NBPF20: variants seen among roughly 807,000 people sequenced by gnomAD.
NBPF20 encodes the protein NBPF family member NBPF20.
In NBPF20, 90 loss-of-function variants were observed where a neutral mutation model predicts 68.1. The ratio of observed to expected loss-of-function variants is 1.32; its 90% CI spans 1.11 to 1.58. The LOEUF is 1.58. Among genes scored for constraint, NBPF20 ranks in the 40% most tolerant of loss-of-function variants. NBPF20 has a pLI of 0.00. For synonymous variants in NBPF20, 290 were observed against 228.1 expected (o/e 1.27, Z -2.45); for missense variants, 816 against 601.2 (o/e 1.36, Z -3.74).
intron 6 of NBPF20, 144 bp downstream of exon 11, chr1:145,400,245 A>T (rs1662454897): frequency 6.5e-7 from 1 of 1,542,000 alleles, no homozygotes; most frequent in Non-Finnish European, 8.9e-7. Context: ...ATTAGCTGAG[A>T]AGGACAAAAA....
chr1:145,405,804 G>C (rs1204271744), upstream of NBPF20: 15 of 280,548 alleles, frequency 5.3e-5, no homozygotes, highest in African/African-American at 2.3e-4. Context: ...TCTCTTGTCT[G>C]TACAACATCA....
intron 137 of NBPF20, among the ~76,000 whole-genome samples, 199 bp downstream of exon 142, chr1:145,292,182 C>T (rs1553658024): frequency 6.7e-6 from 1 of 149,766 alleles, no homozygotes; most frequent in Non-Finnish European, 1.5e-5. Context: ...GTATGGTCAA[C>T]CTATGGCACG....
chr1:145,423,883 C>A, the NBPF20 span, among the ~76,000 whole-genome samples: 1 of 151,738 alleles, frequency 6.6e-6, no homozygotes, highest in Non-Finnish European at 1.5e-5. Context: ...CCTCTAAAAC[C>A]AACAATGCCA....
At position 145,400,928 on chromosome 1, in the gene NBPF20, G is replaced by A. The variant is rs1174354269; in HGVS notation, c.566+131C>T. The A allele has an allele frequency of 3.3e-5, 38 of 1,139,222 alleles. No individual in the cohort carries two copies. The East Asian group carries it at 7.5e-4, about 22-fold the overall frequency. The allele number at this position is 1,139,222 out of a possible 1,614,324, so 70.6% of individuals were successfully genotyped here. On this transcript the variant is annotated intron_variant, in intron 5 of 137. Transcript: ENST00000369373. ...GCTGCCGCACCCTGTGTCTAAGCTGGGTTATATTTCACATACTGTGGCCAA... is the reference window on the plus strand; with the variant it reads ...GCTGCCGCACCCTGTGTCTAAGCTGAGTTATATTTCACATACTGTGGCCAA...
chr1:145,401,108 C>T (rs1443425687), exon 5 of NBPF20: 2 of 1,607,176 alleles, frequency 1.2e-6, no homozygotes, highest in African/African-American at 2.7e-5. Context: ...ACTTGAACAT[C>T]TTCATCGTCA....
exon 2 of NBPF20, chr1:145,405,123 G>A (rs202157187): frequency 8.1e-6 from 13 of 1,613,710 alleles, no homozygotes; most frequent in Non-Finnish European, 1.1e-5. Context: ...GGTTGGCCAG[G>A]AAGCCGGCCA....
Position 145,393,683 on chromosome 1 carries a change from C to G in NBPF20, c.1043+201G>C, listed in dbSNP as rs1241025451. 3 of 1,408,470 alleles carry G rather than the reference C, an allele frequency of 2.1e-6. No homozygotes were observed. In the African/African-American group the frequency reaches 4.3e-5, roughly 20 times the overall value. 87.2% of individuals were successfully genotyped at this position (1,408,470 alleles called of 1,614,324 possible). On this transcript the variant is annotated intron_variant, in intron 9 of 137. Coordinates refer to ENST00000369373, the Ensembl canonical transcript of NBPF20. The stretch of plus-strand genomic sequence containing the variant: ...GCTTTTGAGTTATGGTCAACTTTCA[C>G]TAGGTTAGTAAATGATAAGGGTAGG...
At chr1:145,407,410 CAT>C (rs1662840537), upstream of NBPF20, among the ~76,000 whole-genome samples, 1 of 144,376 alleles carries the variant, frequency 6.9e-6, no homozygotes. Context: ...ATATTATACA[CAT>C]ATATACATGT....
At chr1:145,292,851 A>G (rs1553658523) in intron 136 of NBPF20, among the ~76,000 whole-genome samples, 2 of 64,922 alleles carry the variant, frequency 3.1e-5, no homozygotes, top group East Asian at 9.8e-4. Context: ...CAGATTGTTC[A>G]TGGTTGTGAG....
intron 132 of NBPF20, chr1:145,296,042 A>T: frequency 1.2e-5 from 2 of 163,900 alleles, no homozygotes; most frequent in Non-Finnish European, 2.0e-5. Context: ...GATCTACAAA[A>T]TTGAGACAAA....
intron 9 of NBPF20, chr1:145,393,580 A>G: frequency 3.1e-6 from 2 of 647,060 alleles, no homozygotes; most frequent in South Asian, 3.9e-5. Flanking sequence ...CACTGTGAAC[A>G]GTGATCATGA....
At chr1:145,400,867 A>C (rs1352768224) in intron 5 of NBPF20, among the ~76,000 whole-genome samples, 192 bp downstream of exon 10, 1 of 151,882 alleles carries the variant, frequency 6.6e-6, no homozygotes, top group East Asian at 1.9e-4. Flanking sequence ...TGTACGGTGC[A>C]GACGTGACAC....
chr1:145,377,643 A>C (rs1420488866), intron 29 of NBPF20, among the ~76,000 whole-genome samples: 2 of 139,770 alleles, frequency 1.4e-5, no homozygotes, highest in East Asian at 2.2e-4. Flanking sequence ...AGAGGGAGGG[A>C]GAGAGAGAGA....
At chr1:145,402,770 A>G (rs1194087096) in intron 3 of NBPF20, among the ~76,000 whole-genome samples, 1 of 149,880 alleles carries the variant, frequency 6.7e-6, no homozygotes, top group Non-Finnish European at 1.5e-5. Flanking sequence ...GGCCAGGTGC[A>G]GATGGGGCGA....
chr1:145,410,787 C>T, the NBPF20 span, among the ~76,000 whole-genome samples: 14 of 114,988 alleles, frequency 1.2e-4, no homozygotes, highest in African/African-American at 4.1e-4. Flanking sequence ...TATACACACA[C>T]ATATATATAC....
upstream of NBPF20, among the ~76,000 whole-genome samples, chr1:145,409,910 T>C (rs1209645106): frequency 6.6e-5 from 10 of 151,854 alleles, no homozygotes; most frequent in African/African-American, 1.9e-4. Flanking sequence ...CTGTAACCAG[T>C]TGCAGAAGTC....
rs587751821 is a variant in NBPF20, at chr1:145,291,437, T to G, written c.*89A>C. On this transcript the variant is annotated 3_prime_UTR_variant, in exon 138 of 138. Transcript: ENST00000369373. ...CACTGACCCATCCTATGTCTGGGCTTCCAAATGGAACTGTACTTTCATTCA... is the reference window on the plus strand; with the variant it reads ...CACTGACCCATCCTATGTCTGGGCTGCCAAATGGAACTGTACTTTCATTCA... 28 of 1,611,012 alleles carry G rather than the reference T, an allele frequency of 1.7e-5. No homozygotes were observed. The East Asian group carries it at 6.2e-4, about 36-fold the overall frequency.
chr1:145,394,663 T>C (rs1662127025), intron 8 of NBPF20, among the ~76,000 whole-genome samples: 1 of 152,024 alleles, frequency 6.6e-6, no homozygotes, highest in Non-Finnish European at 1.5e-5. Flanking sequence ...TGAGCTGAGC[T>C]GACAGACAAC....
chr1:145,424,492 TTTTC>T, the NBPF20 span, among the ~76,000 whole-genome samples: 2 of 152,196 alleles, frequency 1.3e-5, no homozygotes, highest in African/African-American at 4.8e-5. Context: ...CCAGCAGATC[TTTTC>T]TTTAACTTCG....
Sources: gnomAD v4.1 joint callset for allele counts (sites outside exome capture counted in the v4.1 genomes callset) on GRCh38, gnomAD v4.1.1 for gene constraint, MANE v1.5 for transcripts, NCBI Gene and HGNC (gene_info 2026-07-23, HGNC 2026-07-21) for gene names.